XPO1: variants seen among roughly 807,000 people sequenced by gnomAD.
The protein encoded by XPO1 is exportin 1, also known as exportin-1.
XPO1 carries 5 observed loss-of-function variants against 133.3 expected under a neutral mutation model. The observed-to-expected ratio is 0.04, with a 90% CI of 0.02 to 0.08. The LOEUF is 0.08. Among genes scored for constraint, XPO1 ranks in the 10% least tolerant of loss-of-function variants. The pLI, the probability that XPO1 is intolerant of heterozygous loss-of-function variation, is 1.00. For synonymous variants in XPO1, 419 were observed against 408.2 expected (o/e 1.03, Z -0.32); for missense variants, 506 against 1,267.5 (o/e 0.40, Z 9.12).
At chr2:61,501,647 C>T (rs1032131060) in intron 6 of XPO1, among the ~76,000 whole-genome samples, 1 of 147,034 alleles carries the variant, frequency 6.8e-6, no homozygotes, top group Non-Finnish European at 1.5e-5. Context: ...CGCTTGAACC[C>T]GGGTAGCAGA....
intron 1 of XPO1, among the ~76,000 whole-genome samples, chr2:61,535,162 A>G (rs1011224464): frequency 2.0e-5 from 3 of 152,258 alleles, no homozygotes; most frequent in Non-Finnish European, 4.4e-5. Flanking sequence ...GTTGCCCAGA[A>G]TTATAAAATA....
At chr2:61,484,166 G>GTC in intron 20 of XPO1, 61 bp from the exon 21 acceptor site, 1 of 1,449,758 alleles carries the variant, frequency 6.9e-7, no homozygotes, top group Non-Finnish European at 9.6e-7. Flanking sequence ...TAGACAGGAG[G>GTC]GGAAAAGCAA....
At chr2:61,520,386 C>T (rs1490812333) in intron 4 of XPO1, among the ~76,000 whole-genome samples, 1 of 152,034 alleles carries the variant, frequency 6.6e-6, no homozygotes, top group East Asian at 1.9e-4. Context: ...GTGGCTCATG[C>T]TTACAATCCC....
chr2:61,493,522 T>C (rs1449232089), intron 12 of XPO1: 1 of 201,728 alleles, frequency 5.0e-6, no homozygotes, highest in East Asian at 1.4e-4. Context: ...GAAAAAATTT[T>C]TTTTCACTGT....
chr2:61,490,067 TTTTAG>T (rs1696899053), intron 17 of XPO1, among the ~76,000 whole-genome samples: 1 of 151,738 alleles, frequency 6.6e-6, no homozygotes, highest in African/African-American at 2.4e-5. Flanking sequence ...ATTTTTGTAT[TTTTAG>T]TAGAGACGGG....
intron 4 of XPO1, among the ~76,000 whole-genome samples, chr2:61,516,733 A>G (rs1259185015): frequency 6.6e-6 from 1 of 151,940 alleles, no homozygotes; most frequent in African/African-American, 2.4e-5. Context: ...GTTTTTATCA[A>G]TCAATGAAAT....
In XPO1 at chr2:61,513,639, A is replaced by G. The variant is rs539020552; in HGVS notation, c.301+8972T>C. 3.9e-5 allele frequency among the ~76,000 whole-genome samples: 6 copies of G among 152,234 alleles called. No individual in the cohort carries two copies. In the East Asian group the frequency reaches 1.2e-3, roughly 29 times the overall value. On this transcript the variant is annotated intron_variant, in intron 4 of 24. Transcript: ENST00000401558. The stretch of plus-strand genomic sequence containing the variant: ...TGTGCCCAGCCAAAAACTTACAGAA[A>G]ATCTTAAGTGACCTTTGCATGACAA...
chr2:61,521,683 C>CAAAACAG (rs1698696205), intron 4 of XPO1, among the ~76,000 whole-genome samples: 1 of 152,184 alleles, frequency 6.6e-6, no homozygotes, highest in South Asian at 2.1e-4. Context: ...CCACAAAAGG[C>CAAAACAG]AAAACAGCTT....
At chr2:61,482,288 C>A (rs1285725258) in intron 23 of XPO1, 92 bp downstream of exon 23, 1 of 1,244,340 alleles carries the variant, frequency 8.0e-7, no homozygotes, top group East Asian at 2.6e-5. Context: ...AAGCAATCCT[C>A]CCACCTTAGG....
At chr2:61,491,497 C>CA (rs1204922763) in intron 16 of XPO1, among the ~76,000 whole-genome samples, 17 of 146,708 alleles carry the variant, frequency 1.2e-4, no homozygotes, top group East Asian at 4.0e-4. Flanking sequence ...CACACACACA[C>CA]CCCAAAACAA....
At chr2:61,480,840 C>T (rs1216779824) in intron 24 of XPO1, among the ~76,000 whole-genome samples, 3 of 152,142 alleles carry the variant, frequency 2.0e-5, no homozygotes, top group East Asian at 1.9e-4. Flanking sequence ...TATCTAGTAA[C>T]TTTCACAAGT....
At chr2:61,533,187 T>C (rs1699233416) in intron 2 of XPO1, among the ~76,000 whole-genome samples, 2 of 152,234 alleles carry the variant, frequency 1.3e-5, no homozygotes, top group African/African-American at 2.4e-5. Context: ...AAAAAAAAGT[T>C]TGGCCCCACA....
intron 4 of XPO1, among the ~76,000 whole-genome samples, chr2:61,514,812 T>C (rs6545877): frequency 0.63 from 96,247 of 151,826 alleles, 30,682 homozygotes; most frequent in Middle Eastern, 0.71. Context: ...CAGTGGCTTA[T>C]GAGTATAATC....
chr2:61,507,487 C>T (rs1697885861), intron 4 of XPO1, among the ~76,000 whole-genome samples: 1 of 151,886 alleles, frequency 6.6e-6, no homozygotes, highest in Admixed American at 6.6e-5. Context: ...AGAATTCTAC[C>T]CATCACCCAG....
At position 61,533,879 on chromosome 2, in the gene XPO1, T is replaced by C. The variant is rs1433140390; in HGVS notation, c.19A>G (p.Met7Val). The change falls in exon 2 of 25, where the codon ATG (methionine) becomes GTG (valine). Residue 7 changes from methionine (M) to valine (V), a missense_variant. By Grantham distance (21) the Met-to-Val change is conservative (BLOSUM62 1). This residue lies in a region of XPO1 where 20 missense variants were observed against 20.4 expected (regional missense o/e 0.98). Transcript: ENST00000401558. The part of the protein sequence containing the change: MPAIMT[M>V]LADHAARQLL... ...TGACGAGCTGCATGGTCTGCTAACATTGTCATAATTGCTGGCATAGATTAC... is the reference window on the plus strand; with the variant it reads ...TGACGAGCTGCATGGTCTGCTAACACTGTCATAATTGCTGGCATAGATTAC... 6.3e-6 allele frequency: 10 copies of C among 1,582,772 alleles called. No individual in the cohort carries two copies. The highest frequency in any genetic ancestry group is 8.6e-6 in the Non-Finnish European group (10 of 1,167,488).
At position 61,498,663 on chromosome 2, in the gene XPO1, T is replaced by C; in HGVS notation, c.759+10A>G. 3 of 1,612,112 alleles carry C rather than the reference T, an allele frequency of 1.9e-6. No homozygotes were observed. The highest frequency in any genetic ancestry group is 2.5e-6 in the Non-Finnish European group (3 of 1,179,424). ...TCCGGTGACAAATAACTGAAATGTATTCACTGTACCTTATAAATCAATGTG... is the reference window on the plus strand; with the variant it reads ...TCCGGTGACAAATAACTGAAATGTACTCACTGTACCTTATAAATCAATGTG... On this transcript the variant is annotated intron_variant, in intron 9 of 24. Transcript: ENST00000401558.
chr2:61,501,750 T>G (rs916379019), intron 6 of XPO1, among the ~76,000 whole-genome samples: 2 of 96,586 alleles, frequency 2.1e-5, no homozygotes, highest in African/African-American at 8.6e-5. Flanking sequence ...AAAGAAAAGA[T>G]AAATAAGAAT....
intron 23 of XPO1, 75 bp from the exon 24 acceptor site, chr2:61,481,356 T>G: frequency 9.4e-7 from 1 of 1,068,086 alleles, no homozygotes; most frequent in Non-Finnish European, 1.3e-6. Flanking sequence ...GTCACCAGGC[T>G]GGAGTACAGT....
At position 61,482,361 on chromosome 2, in the gene XPO1, T is replaced by C; in HGVS notation, c.2972+19A>G. The stretch of plus-strand genomic sequence containing the variant: ...TGCCCGACCAGGAACATTCTACGTT[T>C]ATTAAAAGGTATATTTACTCTTGTA... On this transcript the variant is annotated intron_variant, in intron 23 of 24. Transcript: ENST00000401558. The C allele has an allele frequency of 6.3e-7, 1 of 1,581,202 alleles. No individual in the cohort carries two copies. Among genetic ancestry groups the C allele is most frequent in the South Asian group, 1.2e-5 (1 of 86,410 alleles).
Sources: gnomAD v4.1 joint callset for allele counts (sites outside exome capture counted in the v4.1 genomes callset) on GRCh38, gnomAD v4.1.1 for gene constraint, gnomAD v4.1.1 regional missense constraint, MANE v1.5 for transcripts, NCBI Gene and HGNC (gene_info 2026-07-23, HGNC 2026-07-21) for gene names.